Variants in LOXHD1 observed in about 807,000 individuals in gnomAD.
The protein encoded by LOXHD1 is lipoxygenase homology PLAT domains 1.
In LOXHD1, 205 loss-of-function variants were observed where a neutral mutation model predicts 248.2. The observed-to-expected ratio is 0.83, with a 90% CI of 0.74 to 0.93. The LOEUF (loss-of-function observed/expected upper bound fraction) is 0.93, where lower values mean the gene tolerates loss of function less well. Ranked by LOEUF, LOXHD1 falls within the 40% of genes least tolerant of loss-of-function variation. The pLI is 0.00. For missense variants in LOXHD1, 2,930 were observed against 2,971.6 expected (o/e 0.99, Z 0.33); for synonymous variants, 1,113 against 1,162.8 (o/e 0.96, Z 0.87).
At position 46,569,613 on chromosome 18, in the gene LOXHD1, C is replaced by G; in HGVS notation, c.2073G>C (p.Lys691Asn). The G allele has an allele frequency of 6.4e-7, 1 of 1,551,364 alleles. No individual in the cohort carries two copies. The highest frequency in any genetic ancestry group is 8.7e-7 in the Non-Finnish European group (1 of 1,146,704). The change falls in exon 16 of 41, where the codon AAG becomes AAC. Residue 691 changes from lysine to asparagine, a missense_variant. Lys to Asn is a moderately conservative substitution (Grantham distance 94). Coordinates refer to ENST00000642948, the MANE Select transcript of LOXHD1 (RefSeq NM_001384474.1). ...LKNFRYHISL[K>N]TGDVSGASTD... is the part of the protein sequence containing the mutation. The stretch of plus-strand genomic sequence containing the variant: ...TGCTGGCCCCAGAGACATCCCCAGT[C>G]TTCAAGCTGATGTGATAGCGAAAGT...
intron 28 of LOXHD1, among the ~76,000 whole-genome samples, chr18:46,532,499 C>G (rs995895472): frequency 6.6e-6 from 1 of 152,066 alleles, no homozygotes; most frequent in African/African-American, 2.4e-5. Flanking sequence ...GAAAAGAAAC[C>G]AGCACTCTAA....
intron 6 of LOXHD1, among the ~76,000 whole-genome samples, chr18:46,606,999 C>G (rs2038424563): frequency 6.6e-6 from 1 of 151,784 alleles, no homozygotes; most frequent in Non-Finnish European, 1.5e-5. Flanking sequence ...AACCCTGCCT[C>G]TACTAAAACT....
In LOXHD1 at chr18:46,557,394, C is replaced by G; in HGVS notation, c.3312G>C (p.Leu1104=). The change falls in exon 21 of 41, where the codon CTG becomes CTC. Residue 1104 remains leucine (L), a synonymous_variant. Coordinates refer to ENST00000642948, the MANE Select transcript of LOXHD1 (RefSeq NM_001384474.1). ...DNTGNRAGWF[L]DRIDITDMNN... ...TCATGTCAGTAATGTCTATTCTGTCCAGGAACCAGCCTGCTCTGTTGCCTG... is the reference window on the plus strand; with the variant it reads ...TCATGTCAGTAATGTCTATTCTGTCGAGGAACCAGCCTGCTCTGTTGCCTG... The G allele has an allele frequency of 6.4e-7, 1 of 1,552,316 alleles. No homozygotes were observed. The highest frequency in any genetic ancestry group is 8.7e-7 in the Non-Finnish European group (1 of 1,147,138).
intron 17 of LOXHD1, 127 bp from the exon 18 acceptor site, chr18:46,563,352 A>G: frequency 1.1e-6 from 1 of 908,952 alleles, no homozygotes; most frequent in Non-Finnish European, 1.6e-6. Flanking sequence ...CACTTATCTA[A>G]TCCTCTCCTC....
chr18:46,500,498 C>A (rs1455572175), intron 37 of LOXHD1, among the ~76,000 whole-genome samples: 1 of 152,178 alleles, frequency 6.6e-6, no homozygotes, highest in Admixed American at 6.6e-5. Context: ...CTGCCATCAT[C>A]GTGCTGCAAG....
chr18:46,649,022 G>A (rs2039072306), intron 2 of LOXHD1, 133 bp downstream of exon 2: 4 of 726,214 alleles, frequency 5.5e-6, no homozygotes, highest in Non-Finnish European at 2.4e-6. Context: ...GTCATTAGCA[G>A]AGGCTTCATA....
chr18:46,518,401 C>A, intron 33 of LOXHD1, 145 bp from the exon 34 acceptor site: 2 of 1,035,318 alleles, frequency 1.9e-6, no homozygotes, highest in Non-Finnish European at 2.8e-6. Context: ...CTGTAAATGC[C>A]TGGACAGCAA....
At chr18:46,649,122 C>T in intron 2 of LOXHD1, 33 bp downstream of exon 2, 1 of 1,530,726 alleles carries the variant, frequency 6.5e-7, no homozygotes, top group Non-Finnish European at 8.9e-7. Flanking sequence ...GACTAATGGC[C>T]CAGGATCCCA....
chr18:46,593,550 C>T, intron 10 of LOXHD1, 50 bp downstream of exon 10: 1 of 1,542,256 alleles, frequency 6.5e-7, no homozygotes, highest in South Asian at 1.2e-5. Flanking sequence ...GACGAATGCC[C>T]TACATCCCTT....
intron 2 of LOXHD1, 75 bp downstream of exon 2, chr18:46,649,080 G>T: frequency 8.0e-7 from 1 of 1,248,166 alleles, no homozygotes; most frequent in Non-Finnish European, 1.1e-6. Flanking sequence ...AGAGAAGCAG[G>T]CCACCCTTGG....
intron 12 of LOXHD1, among the ~76,000 whole-genome samples, chr18:46,588,216 A>G (rs1004989022): frequency 5.3e-5 from 8 of 152,056 alleles, no homozygotes; most frequent in Non-Finnish European, 1.0e-4. Context: ...TTCCAAGCAT[A>G]AGATAAATGT....
chr18:46,638,093 C>T (rs146398672), intron 4 of LOXHD1, among the ~76,000 whole-genome samples: 391 of 152,176 alleles, frequency 2.6e-3, no homozygotes, highest in African/African-American at 9.0e-3. Context: ...GGAGGGGTGT[C>T]GAGCAATATT....
chr18:46,537,788 C>G (rs1317180133), intron 26 of LOXHD1, among the ~76,000 whole-genome samples: 1 of 152,226 alleles, frequency 6.6e-6, no homozygotes, highest in Non-Finnish European at 1.5e-5. Flanking sequence ...TCCACCTCTC[C>G]CTGGCTAGCA....
At chr18:46,626,206 G>C (rs533460837) in intron 4 of LOXHD1, among the ~76,000 whole-genome samples, 3 of 152,284 alleles carry the variant, frequency 2.0e-5, no homozygotes, top group African/African-American at 7.2e-5. Flanking sequence ...TAGGAGATTT[G>C]GGGGGTGACA....
chr18:46,636,559 A>G (rs2038895363), intron 4 of LOXHD1, among the ~76,000 whole-genome samples: 1 of 152,180 alleles, frequency 6.6e-6, no homozygotes, highest in African/African-American at 2.4e-5. Flanking sequence ...GGTTCCAGTG[A>G]TTGCCAGCCA....
intron 12 of LOXHD1, among the ~76,000 whole-genome samples, chr18:46,590,876 TTC>T (rs371712473): frequency 0.79 from 120,916 of 152,188 alleles, 48,572 homozygotes; most frequent in Non-Finnish European, 0.86. Context: ...TACACAAATA[TTC>T]TTCATTCTTC....
At chr18:46,638,916 C>G (rs2038926557) in intron 4 of LOXHD1, among the ~76,000 whole-genome samples, 1 of 152,172 alleles carries the variant, frequency 6.6e-6, no homozygotes, top group East Asian at 1.9e-4. Context: ...GTCCCTTCCC[C>G]TCTCATGGTC....
At chr18:46,483,476 G>A (rs1404657203) in intron 40 of LOXHD1, 111 bp downstream of exon 40, 1 of 1,325,816 alleles carries the variant, frequency 7.5e-7, no homozygotes, top group African/African-American at 1.5e-5. Context: ...GGGTAATCTT[G>A]ACCTTGAAGA....
At chr18:46,541,391 T>G (rs756996041) in intron 25 of LOXHD1, among the ~76,000 whole-genome samples, 4 of 152,212 alleles carry the variant, frequency 2.6e-5, no homozygotes, top group Non-Finnish European at 5.9e-5. Context: ...TGTTAATGAC[T>G]GGAGTAAGGA....
Sources: allele counts gnomAD v4.1 joint callset (sites outside exome capture counted in the v4.1 genomes callset), GRCh38; gene constraint gnomAD v4.1.1; transcripts MANE v1.5; gene names NCBI Gene and HGNC (gene_info 2026-07-23, HGNC 2026-07-21).